RGS6: variants seen among roughly 807,000 people sequenced by gnomAD.
RGS6 encodes the protein regulator of G-protein signaling 6.
In RGS6, 30 loss-of-function variants were observed where a neutral mutation model predicts 78.5. The observed-to-expected ratio is 0.38, with a 90% CI of 0.29 to 0.52. The LOEUF is 0.52. Ranked by LOEUF, RGS6 falls within the 20% of genes least tolerant of loss-of-function variation. The pLI is 0.85. For synonymous variants in RGS6, 206 were observed against 206.0 expected, an observed-to-expected ratio of 1.00 and a Z score of 0.00; for missense variants, 495 against 609.7, an observed-to-expected ratio of 0.81 and a Z score of 1.98.
At chr14:72,587,403 G>A in the RGS6 span, among the ~76,000 whole-genome samples, 8 of 152,122 alleles carry the variant, frequency 5.3e-5, no homozygotes, top group South Asian at 2.1e-4. Context: ...CTATCACCTC[G>A]CCCCTTGTTT....
the RGS6 span, among the ~76,000 whole-genome samples, chr14:71,910,143 T>C: frequency 1.3e-5 from 2 of 152,070 alleles, no homozygotes; most frequent in Non-Finnish European, 2.9e-5. Context: ...TGAGCCAAGA[T>C]TGTGCCGCTG....
At chr14:72,612,998 G>A in the RGS6 span, among the ~76,000 whole-genome samples, 1 of 47,768 alleles carries the variant, frequency 2.1e-5, no homozygotes, top group Non-Finnish European at 4.7e-5. Context: ...TAGGGCGTGT[G>A]TGTGTGTGTG....
chr14:72,041,055 C>T (rs2092356557), intron 2 of RGS6, among the ~76,000 whole-genome samples: 1 of 152,134 alleles, frequency 6.6e-6, no homozygotes, highest in East Asian at 1.9e-4. Flanking sequence ...AATCCTTTGT[C>T]AGGTAATTTA....
At chr14:72,196,766 G>T (rs1195007566) in intron 2 of RGS6, among the ~76,000 whole-genome samples, 1 of 152,112 alleles carries the variant, frequency 6.6e-6, no homozygotes, top group African/African-American at 2.4e-5. Context: ...ATTATGATTT[G>T]TATTCTGCTT....
At chr14:72,548,750 A>G (rs116537151) in intron 17 of RGS6, among the ~76,000 whole-genome samples, 1,878 of 152,296 alleles carry the variant, frequency 0.012, 42 homozygotes, top group African/African-American at 0.043. Context: ...AGCTCTTTGC[A>G]TTTGTCTTCA....
At chr14:71,925,435 T>G in the RGS6 span, among the ~76,000 whole-genome samples, 7 of 152,232 alleles carry the variant, frequency 4.6e-5, no homozygotes, top group Non-Finnish European at 1.0e-4. Flanking sequence ...TTTTTGCCTT[T>G]GTTGCCTGAG....
At chr14:72,381,482 A>G (rs2086086666) in intron 3 of RGS6, among the ~76,000 whole-genome samples, 1 of 152,120 alleles carries the variant, frequency 6.6e-6, no homozygotes, top group South Asian at 2.1e-4. Flanking sequence ...ATTGCCTATC[A>G]AAAAACGACT....
chr14:71,993,618 T>C (rs111259028), intron 2 of RGS6, among the ~76,000 whole-genome samples: 2 of 152,162 alleles, frequency 1.3e-5, no homozygotes, highest in African/African-American at 4.8e-5. Context: ...GTAGTGGAGT[T>C]TGACCTTGAC....
intron 2 of RGS6, 91 bp downstream of exon 2, chr14:71,964,966 A>G: frequency 1.1e-6 from 1 of 873,244 alleles, no homozygotes; most frequent in East Asian, 2.8e-5. Context: ...TTTTCTGCCT[A>G]AACTGCCTTA....
rs144036998 is a variant in RGS6 at position 72,197,565 on chromosome 14, A to G, written c.85-154530A>G. On this transcript the variant is annotated intron_variant, in intron 2 of 17. Transcript: ENST00000553525. The stretch of plus-strand genomic sequence containing the variant: ...GTACCAGAGACCCAGGGGACAATAT[A>G]TGGGTTAAATGAGGACTTTATTTAA... Among the ~76,000 whole-genome samples the G allele has an allele frequency of 7.6e-3, 1,151 of 152,276 alleles. 18 individuals are homozygous for G. Among genetic ancestry groups the G allele is most frequent in the African/African-American group, 0.027 (1,104 of 41,526 alleles).
At chr14:72,227,043 C>T (rs1298020418) in intron 2 of RGS6, among the ~76,000 whole-genome samples, 3 of 152,182 alleles carry the variant, frequency 2.0e-5, no homozygotes, top group Admixed American at 6.5e-5. Flanking sequence ...CAACATTCAT[C>T]TACTTCTCTC....
At chr14:72,241,184 C>T (rs2052718270) in intron 2 of RGS6, among the ~76,000 whole-genome samples, 1 of 151,064 alleles carries the variant, frequency 6.6e-6, no homozygotes, top group African/African-American at 2.4e-5. Flanking sequence ...AAACTTATGC[C>T]TTTTATGAGA....
chr14:72,049,666 G>A (rs2093102531), intron 2 of RGS6, among the ~76,000 whole-genome samples: 1 of 152,140 alleles, frequency 6.6e-6, no homozygotes, highest in Non-Finnish European at 1.5e-5. Flanking sequence ...ATCTCCTAAT[G>A]AGCACAGTTA....
chr14:72,126,213 A>C (rs903178037), intron 2 of RGS6, among the ~76,000 whole-genome samples: 1 of 152,192 alleles, frequency 6.6e-6, no homozygotes, highest in Non-Finnish European at 1.5e-5. Context: ...TCACATGCTA[A>C]CTTGTTTGCT....
At chr14:71,885,243 G>T in the RGS6 span, among the ~76,000 whole-genome samples, 2 of 151,978 alleles carry the variant, frequency 1.3e-5, no homozygotes, top group African/African-American at 4.8e-5. Context: ...TTTCTACTCC[G>T]TCGACACTAA....
At chr14:71,875,159 A>G in the RGS6 span, among the ~76,000 whole-genome samples, 2 of 152,190 alleles carry the variant, frequency 1.3e-5, no homozygotes, top group Non-Finnish European at 2.9e-5. Flanking sequence ...CTGGCCTCAT[A>G]AAATGAATTA....
chr14:71,923,027 G>A, the RGS6 span, among the ~76,000 whole-genome samples: 1 of 152,208 alleles, frequency 6.6e-6, no homozygotes, highest in Non-Finnish European at 1.5e-5. Flanking sequence ...GGACTAAGGA[G>A]AACAGGAGAG....
intron 2 of RGS6, among the ~76,000 whole-genome samples, chr14:72,259,871 A>C (rs1044032421): frequency 1.4e-5 from 2 of 137,970 alleles, no homozygotes; most frequent in African/African-American, 5.5e-5. Flanking sequence ...AGATCGCGCC[A>C]CTGCACTCCA....
intron 2 of RGS6, among the ~76,000 whole-genome samples, chr14:72,268,669 T>C (rs1439215766): frequency 6.6e-6 from 1 of 152,226 alleles, no homozygotes; most frequent in East Asian, 1.9e-4. Context: ...GCAGCAGTGA[T>C]TCATCCACCC....
Sources: gnomAD v4.1 joint callset for allele counts (sites outside exome capture counted in the v4.1 genomes callset) on GRCh38, gnomAD v4.1.1 for gene constraint, MANE v1.5 for transcripts, NCBI Gene and HGNC (gene_info 2026-07-23, HGNC 2026-07-21) for gene names.